Variants in COL1A2 observed in about 807,000 individuals in gnomAD.
COL1A2 encodes the protein collagen type I alpha 2 chain.
A neutral mutation model predicts 174.3 loss-of-function variants in COL1A2; 49 were observed. That is an observed-to-expected ratio of 0.28 (90% CI 0.22 to 0.36). COL1A2 has a LOEUF of 0.36. COL1A2 is among the 10% of genes least tolerant of loss of function. COL1A2 has a pLI of 1.00. For missense variants in COL1A2, 1,438 were observed against 1,822.7 expected (o/e 0.79, Z 3.84); for synonymous variants, 655 against 606.6 (o/e 1.08, Z -1.17).
At chr7:94,426,586 GAA>G (rs1267517738) in intron 46 of COL1A2, 56 bp downstream of exon 46, 80 of 1,339,688 alleles carry the variant, frequency 6.0e-5, no homozygotes, top group Non-Finnish European at 7.5e-5. Flanking sequence ...CTTCAGCTCA[GAA>G]GGATTTTCAT....
At chr7:94,425,460 G>A in intron 42 of COL1A2, 150 bp from the exon 43 acceptor site, 1 of 906,736 alleles carries the variant, frequency 1.1e-6, no homozygotes, top group Non-Finnish European at 1.8e-6. Context: ...AAAATATCTA[G>A]GTTGGCAGGT....
At chr7:94,420,743 T>C in intron 37 of COL1A2, 95 bp downstream of exon 37, 1 of 1,116,562 alleles carries the variant, frequency 9.0e-7, no homozygotes, top group South Asian at 1.3e-5. Context: ...CAACAGGGAA[T>C]ATACCAGATA....
Position 94,415,113 on chromosome 7 carries a change from T to G in COL1A2, c.1720-113T>G, listed in dbSNP as rs925473939. 12 of 902,564 alleles carry G rather than the reference T, an allele frequency of 1.3e-5. No homozygotes were observed. In the African/African-American group the frequency reaches 2.0e-4, roughly 15 times the overall value. 55.9% of individuals were successfully genotyped at this position (902,564 alleles called of 1,614,324 possible). On this transcript the variant is annotated intron_variant, in intron 29 of 51. Transcript: ENST00000297268. ...ATTAGCCTGTGTACTTATGCACTCA[T>G]GTAGATACTGCCAGGTTTATTTCAC...
intron 39 of COL1A2, among the ~76,000 whole-genome samples, chr7:94,422,245 TC>T (rs1389878488): frequency 6.6e-6 from 1 of 151,928 alleles, no homozygotes; most frequent in African/African-American, 2.4e-5. Flanking sequence ...ATCAGATATT[TC>T]TATATCTAAT....
At chr7:94,416,683 A>C in intron 31 of COL1A2, 180 bp downstream of exon 31, 1 of 597,746 alleles carries the variant, frequency 1.7e-6, no homozygotes, top group South Asian at 2.1e-5. Flanking sequence ...AAACAAACAA[A>C]CAATAGCAAC....
intron 6 of COL1A2, among the ~76,000 whole-genome samples, chr7:94,402,867 C>T (rs1183221846): frequency 6.6e-6 from 1 of 152,112 alleles, no homozygotes; most frequent in South Asian, 2.1e-4. Context: ...AGCTAATATA[C>T]TCTAAGGGTG....
chr7:94,408,866 T>A lies in COL1A2; in HGVS notation c.792+43T>A, dbSNP rs1051077229. Reference sequence around the variant, plus strand: ...CATTGTCACTACTTTGATAAACTTTTTACTGTGATGTGAAAGATTGGAACT... The same window carrying A: ...CATTGTCACTACTTTGATAAACTTTATACTGTGATGTGAAAGATTGGAACT... On this transcript the variant is annotated intron_variant, in intron 16 of 51. Transcript: ENST00000297268. The A allele has an allele frequency of 2.6e-6, 4 of 1,551,432 alleles. No homozygotes were observed. In the African/African-American group the frequency reaches 5.4e-5, roughly 21 times the overall value.
rs767468227 is a variant in COL1A2, at chr7:94,417,737, T to C, written c.1877T>C (p.Val626Ala). The C allele has an allele frequency of 1.3e-6, 2 of 1,594,836 alleles. No homozygotes were observed. The highest frequency in any genetic ancestry group is 1.1e-5 in the South Asian group (1 of 87,366). ...GTTTGACTCAAGGGTGAACCTGGTGTGGTTGGTGCTGTGGGCACTGCTGGT... is the reference window on the plus strand; with the variant it reads ...GTTTGACTCAAGGGTGAACCTGGTGCGGTTGGTGCTGTGGGCACTGCTGGT... ...GPDGNKGEPG[V>A]VGAVGTAGPS... Residue 626 changes from valine to alanine, a missense_variant, in exon 32 of 52, where the codon GTG (valine) becomes GCG (alanine). This residue lies in a region of COL1A2 where 867 missense variants were observed against 1,213.7 expected (regional missense o/e 0.71). Transcript: ENST00000297268.
At chr7:94,404,913 A>C in intron 9 of COL1A2, 21 bp downstream of exon 9, 6 of 1,613,630 alleles carry the variant, frequency 3.7e-6, no homozygotes, top group Non-Finnish European at 5.1e-6. Flanking sequence ...ACTCTTAAGC[A>C]CTTTCAAAAT....
chr7:94,401,775 C>T (rs926897950), intron 6 of COL1A2, among the ~76,000 whole-genome samples, 155 bp downstream of exon 6: 7 of 151,834 alleles, frequency 4.6e-5, no homozygotes, highest in African/African-American at 1.7e-4. Flanking sequence ...TTTATGAAAA[C>T]ATAAGTTAAG....
At chr7:94,397,196 A>G (rs1584311554) in intron 1 of COL1A2, among the ~76,000 whole-genome samples, 1 of 152,194 alleles carries the variant, frequency 6.6e-6, no homozygotes, top group Non-Finnish European at 1.5e-5. Context: ...TTGAAAAAGG[A>G]TATTAAGAAT....
intron 32 of COL1A2, 69 bp from the exon 33 acceptor site, chr7:94,418,430 A>G (rs894349891): frequency 1.5e-6 from 2 of 1,367,546 alleles, no homozygotes; most frequent in African/African-American, 2.9e-5. Flanking sequence ...AAAGAAAAAA[A>G]CTTCATATTA....
At chr7:94,412,785 T>G in intron 25 of COL1A2, 103 bp downstream of exon 25, 5 of 1,023,756 alleles carry the variant, frequency 4.9e-6, no homozygotes, top group Non-Finnish European at 6.0e-6. Context: ...TCAGGGAGTT[T>G]CCTTTCAACA....
intron 48 of COL1A2, 98 bp from the exon 49 acceptor site, chr7:94,427,529 A>C: frequency 7.1e-7 from 1 of 1,402,772 alleles, no homozygotes; most frequent in East Asian, 2.3e-5. Context: ...TGATGAGAAC[A>C]TGCTTCCGTG....
intron 45 of COL1A2, 47 bp from the exon 46 acceptor site, chr7:94,426,376 A>G (rs1562907411): frequency 1.3e-6 from 2 of 1,517,380 alleles, no homozygotes; most frequent in Admixed American, 2.0e-5. Context: ...AGTGAGTGCC[A>G]TTTTTTTAAA....
intron 40 of COL1A2, chr7:94,423,328 AG>A: frequency 1.7e-6 from 1 of 597,740 alleles, no homozygotes; most frequent in East Asian, 3.0e-5. Context: ...ACAATAAATG[AG>A]GGAACTCAGT....
chr7:94,408,494 G>T, intron 15 of COL1A2, 114 bp downstream of exon 15: 1 of 1,322,768 alleles, frequency 7.6e-7, no homozygotes, highest in Non-Finnish European at 1.1e-6. Context: ...CAAATGTTCT[G>T]TGAGGTCTTT....
intron 48 of COL1A2, 162 bp from the exon 49 acceptor site, chr7:94,427,465 G>A: frequency 9.4e-7 from 1 of 1,068,522 alleles, no homozygotes; most frequent in Non-Finnish European, 1.4e-6. Flanking sequence ...GTCCATCCCT[G>A]CAAGTGTGCC....
chr7:94,405,205 C>A lies in COL1A2; in HGVS notation c.439C>A (p.Pro147Thr). ...ACAATGTTTTCATGTTTAGGGTCACCCTGGAAAACCCGGACGACCTGGTGA... is the reference window on the plus strand; with the variant it reads ...ACAATGTTTTCATGTTTAGGGTCACACTGGAAAACCCGGACGACCTGGTGA... Reference protein sequence around the residue: ...PPGKAGEDGHPGKPGRPGERG... With the variant: ...PPGKAGEDGHTGKPGRPGERG... The change falls in exon 10 of 52, where the codon CCT becomes ACT. Residue 147 changes from proline (P) to threonine (T), a missense_variant. Physicochemically the swap from Pro to Thr is conservative, Grantham distance 38. Coordinates refer to ENST00000297268, the MANE Select transcript of COL1A2 (RefSeq NM_000089.4). 1 of 1,613,764 alleles carries A rather than the reference C, an allele frequency of 6.2e-7. No homozygotes were observed. The highest frequency in any genetic ancestry group is 8.5e-7 in the Non-Finnish European group (1 of 1,179,898).
Sources: gnomAD v4.1 joint callset for allele counts (sites outside exome capture counted in the v4.1 genomes callset) on GRCh38, gnomAD v4.1.1 for gene constraint, gnomAD v4.1.1 regional missense constraint, MANE v1.5 for transcripts, NCBI Gene and HGNC (gene_info 2026-07-23, HGNC 2026-07-21) for gene names.